The following ANKS1B variants were observed in gnomAD, a reference collection of about 807,000 sequenced individuals.
ANKS1B encodes the protein ankyrin repeat and sterile alpha motif domain-containing protein 1B.
In ANKS1B, 36 loss-of-function variants were observed where a neutral mutation model predicts 148.3. That is an observed-to-expected ratio of 0.24 (90% CI 0.19 to 0.32). The LOEUF is 0.32. ANKS1B is among the 10% of genes least tolerant of loss of function. The pLI, the probability that ANKS1B is intolerant of heterozygous loss-of-function variation, is 1.00. For missense variants in ANKS1B, 1,157 were observed against 1,542.6 expected (o/e 0.75, Z 4.19); for synonymous variants, 542 against 560.8 (o/e 0.97, Z 0.47).
At chr12:99,450,594 GAA>G (rs1216790251) in intron 10 of ANKS1B, among the ~76,000 whole-genome samples, 1 of 152,060 alleles carries the variant, frequency 6.6e-6, no homozygotes, top group African/African-American at 2.4e-5. Context: ...AAATTATTTA[GAA>G]AAGACTAAGT....
chr12:99,601,599 C>T (rs1393328259), intron 9 of ANKS1B, among the ~76,000 whole-genome samples: 6 of 152,030 alleles, frequency 3.9e-5, no homozygotes, highest in Admixed American at 6.6e-5. Flanking sequence ...ATAAGGATCA[C>T]GGTCAACACT....
At chr12:99,444,263 A>C (rs2095598720) in intron 10 of ANKS1B, among the ~76,000 whole-genome samples, 1 of 151,978 alleles carries the variant, frequency 6.6e-6, no homozygotes, top group Non-Finnish European at 1.5e-5. Flanking sequence ...AGCCTCCTCA[A>C]ATGACTTTTC....
chr12:98,999,623 A>G (rs985324391), intron 17 of ANKS1B, among the ~76,000 whole-genome samples: 1 of 152,228 alleles, frequency 6.6e-6, no homozygotes, highest in Non-Finnish European at 1.5e-5. Context: ...GTATCAAAAG[A>G]AAAAAGTCAG....
intron 9 of ANKS1B, among the ~76,000 whole-genome samples, chr12:99,651,694 A>G (rs980767610): frequency 2.6e-5 from 4 of 152,132 alleles, no homozygotes; most frequent in African/African-American, 9.7e-5. Context: ...TCCTGTTCCT[A>G]GGTCACAGTT....
At chr12:99,135,409 G>T (rs1231554215) in intron 15 of ANKS1B, among the ~76,000 whole-genome samples, 2 of 152,286 alleles carry the variant, frequency 1.3e-5, no homozygotes, top group African/African-American at 4.8e-5. Context: ...TATTTAAAGT[G>T]CCTACCAAGT....
In ANKS1B at chr12:99,374,842, T is replaced by C. The variant is rs528731024; in HGVS notation, c.1756+24789A>G. ...TGAATTTGTTTACTTATTTATTTTATTTTTTTACCTAAGATCCAGGAACTA... is the reference window on the plus strand; with the variant it reads ...TGAATTTGTTTACTTATTTATTTTACTTTTTTACCTAAGATCCAGGAACTA... On this transcript the variant is annotated intron_variant, in intron 12 of 26. Transcript: ENST00000683438. 1.4e-3 allele frequency among the ~76,000 whole-genome samples: 212 copies of C among 152,286 alleles called. 1 individual carries two copies. The highest frequency in any genetic ancestry group is 2.7e-3 in the Admixed American group (41 of 15,290).
chr12:99,540,064 C>CA (rs201088309), intron 9 of ANKS1B, among the ~76,000 whole-genome samples: 229 of 146,354 alleles, frequency 1.6e-3, no homozygotes, highest in African/African-American at 4.0e-3. Context: ...TCACTAGAGA[C>CA]AAAAAAAAAG....
At chr12:99,689,257 GT>G (rs1487773262) in intron 8 of ANKS1B, among the ~76,000 whole-genome samples, 1 of 152,200 alleles carries the variant, frequency 6.6e-6, no homozygotes, top group East Asian at 1.9e-4. Flanking sequence ...AGACTGGATT[GT>G]TAAGACAAAT....
chr12:99,299,061 CTTT>C (rs67720875), intron 12 of ANKS1B, among the ~76,000 whole-genome samples: 2 of 142,582 alleles, frequency 1.4e-5, no homozygotes, highest in Non-Finnish European at 3.1e-5. Flanking sequence ...ATGTTTGTTG[CTTT>C]TTTTTTTTTT....
At chr12:99,827,556 A>C (rs2153685230) in intron 1 of ANKS1B, among the ~76,000 whole-genome samples, 1 of 152,350 alleles carries the variant, frequency 6.6e-6, no homozygotes, top group South Asian at 2.1e-4. Flanking sequence ...AAAACAAAAA[A>C]TAAAGGGTAA....
At chr12:99,448,703 A>G (rs1325443232) in intron 10 of ANKS1B, among the ~76,000 whole-genome samples, 1 of 152,106 alleles carries the variant, frequency 6.6e-6, no homozygotes, top group Non-Finnish European at 1.5e-5. Flanking sequence ...TTGTCTATTT[A>G]AAAATAATTA....
chr12:99,646,117 T>G (rs2098360759), intron 9 of ANKS1B, among the ~76,000 whole-genome samples: 1 of 151,998 alleles, frequency 6.6e-6, no homozygotes, highest in African/African-American at 2.4e-5. Context: ...CAGAACCACT[T>G]GGACACTTTT....
intron 10 of ANKS1B, among the ~76,000 whole-genome samples, chr12:99,450,719 A>G (rs1489006840): frequency 3.3e-5 from 5 of 152,184 alleles, no homozygotes; most frequent in Admixed American, 1.3e-4. Flanking sequence ...GCATAAAGTC[A>G]TATTTCTCTC....
intron 17 of ANKS1B, among the ~76,000 whole-genome samples, chr12:98,915,916 C>T (rs1048390884): frequency 4.6e-5 from 7 of 152,118 alleles, no homozygotes; most frequent in South Asian, 2.1e-4. Context: ...CTGGATGCCA[C>T]GTCAGTCTGT....
chr12:98,793,035 C>T (rs965032874), intron 22 of ANKS1B, among the ~76,000 whole-genome samples: 1 of 152,076 alleles, frequency 6.6e-6, no homozygotes, highest in African/African-American at 2.4e-5. Flanking sequence ...TTTGAGAAGC[C>T]GCCATACTGT....
At chr12:99,559,730 A>G (rs1470051934) in intron 9 of ANKS1B, among the ~76,000 whole-genome samples, 5 of 152,218 alleles carry the variant, frequency 3.3e-5, no homozygotes, top group African/African-American at 9.6e-5. Flanking sequence ...TAATAACAAA[A>G]GTCAGATATT....
intron 11 of ANKS1B, among the ~76,000 whole-genome samples, chr12:99,409,216 A>T (rs895290909): frequency 3.3e-5 from 5 of 152,216 alleles, no homozygotes; most frequent in South Asian, 2.1e-4. Flanking sequence ...ATGGAACTGG[A>T]AGTCATTACG....
intron 15 of ANKS1B, among the ~76,000 whole-genome samples, chr12:99,109,443 G>C (rs968605526): frequency 6.6e-6 from 1 of 152,112 alleles, no homozygotes; most frequent in African/African-American, 2.4e-5. Context: ...ACACACCCAA[G>C]ACAGAGGTCT....
intron 9 of ANKS1B, among the ~76,000 whole-genome samples, chr12:99,644,308 A>G (rs568289200): frequency 6.6e-6 from 1 of 152,176 alleles, no homozygotes; most frequent in South Asian, 2.1e-4. Flanking sequence ...TATGTTTATT[A>G]ACATTCTCTC....
Sources: gnomAD v4.1 joint callset for allele counts (sites outside exome capture counted in the v4.1 genomes callset) on GRCh38, gnomAD v4.1.1 for gene constraint, MANE v1.5 for transcripts, NCBI Gene and HGNC (gene_info 2026-07-23, HGNC 2026-07-21) for gene names.